SPTBN1: variants seen among roughly 807,000 people sequenced by gnomAD.
The protein encoded by SPTBN1 is spectrin beta chain, non-erythrocytic 1.
SPTBN1 carries 32 observed loss-of-function variants against 266.4 expected under a neutral mutation model. The ratio of observed to expected loss-of-function variants is 0.12; its 90% CI spans 0.09 to 0.16. SPTBN1 has a LOEUF of 0.16. SPTBN1 is among the 10% of genes least tolerant of loss of function. SPTBN1 has a pLI of 1.00. For synonymous variants in SPTBN1, 1,336 were observed against 1,162.2 expected (o/e 1.15, Z -3.04); for missense variants, 2,296 against 3,067.1 (o/e 0.75, Z 5.94).
rs189743314 is a variant in SPTBN1 at position 54,491,352 on chromosome 2, T to A, written c.-48+34834T>A. Among the ~76,000 whole-genome samples the A allele has an allele frequency of 2.1e-3, 324 of 152,292 alleles. 3 individuals are homozygous for A. The highest frequency in any genetic ancestry group is 7.4e-3 in the African/African-American group (309 of 41,566). ...CTCTTTCGACCATTCTACACTTAGG[T>A]AGAAAAAAATTTCATTACCAACTAG... On this transcript the variant is annotated intron_variant, in intron 1 of 35. Transcript: ENST00000356805.
intron 2 of SPTBN1, 29 bp from the exon 3 acceptor site, chr2:54,599,063 T>C (rs758156471): frequency 6.8e-6 from 11 of 1,611,462 alleles, no homozygotes; most frequent in Non-Finnish European, 7.6e-6. Flanking sequence ...CTGTGGTCAA[T>C]GGTAAAACAA....
chr2:54,648,457 C>G (rs1680058939), intron 24 of SPTBN1, among the ~76,000 whole-genome samples: 1 of 152,206 alleles, frequency 6.6e-6, no homozygotes. Flanking sequence ...AGGATGGGCA[C>G]TCTGCCCAGA....
At position 54,533,349 on chromosome 2, in the gene SPTBN1, AGTGTGTGTGTGTGTGTGT is replaced by A. The variant is rs56027497; in HGVS notation, c.148+6812_148+6829del. ...AGTGAAACCCAGGCTAAAGGGGACTAGTGTGTGTGTGTGTGTGTGTGTGTGTGTGTGTGTGTGTGTGTG... is the reference window on the plus strand; with the variant it reads ...AGTGAAACCCAGGCTAAAGGGGACTAGTGTGTGTGTGTGTGTGTGTGTGTG... On this transcript the variant is annotated intron_variant, in intron 2 of 35. Coordinates refer to ENST00000356805, the MANE Select transcript of SPTBN1 (RefSeq NM_003128.3). This position sits in a 1 kb window ranked among gnomAD's most constrained non-coding sequence, Gnocchi z 4.2. Among the ~76,000 whole-genome samples the A allele has an allele frequency of 0.023, 3,199 of 141,962 alleles. 66 individuals are homozygous for A. The highest frequency in any genetic ancestry group is 0.029 in the Non-Finnish European group (1,913 of 65,482). The allele number at this position is 141,962 out of a possible 152,430, so 93.1% of individuals were successfully genotyped here.
intron 4 of SPTBN1, among the ~76,000 whole-genome samples, chr2:54,613,791 C>T (rs1008862761): frequency 6.6e-5 from 10 of 152,244 alleles, no homozygotes; most frequent in African/African-American, 1.4e-4. Context: ...CCACTAATTA[C>T]TGCTCTTGTG....
chr2:54,534,428 T>C (rs1476241758), intron 2 of SPTBN1, among the ~76,000 whole-genome samples: 1 of 152,248 alleles, frequency 6.6e-6, no homozygotes, highest in African/African-American at 2.4e-5. Context: ...CTACCATTGT[T>C]TGTGAAATCT....
chr2:54,563,036 GT>G (rs1673422766), intron 2 of SPTBN1, among the ~76,000 whole-genome samples: 1 of 152,128 alleles, frequency 6.6e-6, no homozygotes, highest in African/African-American at 2.4e-5. Flanking sequence ...AGTTTTAGAG[GT>G]GATAAGATAG....
chr2:54,636,477 C>G (rs1679146601), intron 17 of SPTBN1, among the ~76,000 whole-genome samples: 1 of 152,216 alleles, frequency 6.6e-6, no homozygotes, highest in Non-Finnish European at 1.5e-5. Context: ...TCCAGGCAGA[C>G]AATGGCTATG....
At chr2:54,561,825 G>A (rs1673326168) in intron 2 of SPTBN1, among the ~76,000 whole-genome samples, 1 of 141,522 alleles carries the variant, frequency 7.1e-6, no homozygotes, top group Non-Finnish European at 1.5e-5. Flanking sequence ...GAGATTTATG[G>A]TTTGTAGAGA....
At chr2:54,654,875 C>T (rs1396562234) in intron 27 of SPTBN1, among the ~76,000 whole-genome samples, 195 bp from the exon 28 acceptor site, 1 of 152,240 alleles carries the variant, frequency 6.6e-6, no homozygotes, top group Non-Finnish European at 1.5e-5. Flanking sequence ...GGTTACCTGG[C>T]TGGTACTGAA....
chr2:54,579,338 A>C (rs766058982), intron 2 of SPTBN1, among the ~76,000 whole-genome samples: 5 of 152,176 alleles, frequency 3.3e-5, no homozygotes, highest in African/African-American at 4.8e-5. Context: ...GTTATCAACT[A>C]CCATTTTTTG....
chr2:54,467,907 T>G (rs1199089079), intron 1 of SPTBN1, among the ~76,000 whole-genome samples: 1 of 152,146 alleles, frequency 6.6e-6, no homozygotes, highest in Non-Finnish European at 1.5e-5. Flanking sequence ...ATCTTTTTAT[T>G]ACTGAAATAA....
intron 1 of SPTBN1, among the ~76,000 whole-genome samples, chr2:54,491,876 G>A (rs1033239086): frequency 2.6e-5 from 4 of 152,126 alleles, no homozygotes; most frequent in African/African-American, 9.7e-5. Flanking sequence ...TGGGATTACA[G>A]TCATGAGCCA....
At chr2:54,660,516 A>G in intron 32 of SPTBN1, 6 of 986,512 alleles carry the variant, frequency 6.1e-6, no homozygotes, top group African/African-American at 1.7e-5. Flanking sequence ...AGACTGGTGT[A>G]TGAGGAGGGA....
In SPTBN1 at chr2:54,645,047, C is replaced by G. The variant is rs575170755; in HGVS notation, c.4270-182C>G. On this transcript the variant is annotated intron_variant, in intron 20 of 35. Coordinates refer to ENST00000356805, the MANE Select transcript of SPTBN1 (RefSeq NM_003128.3). This position sits in a 1 kb window ranked among gnomAD's most constrained non-coding sequence, Gnocchi z 4.3. The stretch of plus-strand genomic sequence containing the variant: ...GGGCTTTAAGGGCAAATGAATTTAC[C>G]TCAGATTTACTTGAAAACAGTTCCA... The G allele has an allele frequency of 1.1e-5, 7 of 617,614 alleles. No homozygotes were observed. The Admixed American group carries it at 2.1e-4, about 18-fold the overall frequency. 38.3% of individuals were successfully genotyped at this position (617,614 alleles called of 1,614,324 possible).
intron 1 of SPTBN1, among the ~76,000 whole-genome samples, chr2:54,487,355 C>T (rs1326219184): frequency 6.6e-6 from 1 of 152,216 alleles, no homozygotes; most frequent in Admixed American, 6.5e-5. Flanking sequence ...GGACTAATTA[C>T]TGCGCACCTT....
chr2:54,558,801 G>GT lies in SPTBN1; in HGVS notation c.148+32236dup. 1 of 1,613,776 alleles carries GT rather than the reference G, an allele frequency of 6.2e-7. No homozygotes were observed. Among genetic ancestry groups the GT allele is most frequent in the African/African-American group, 1.3e-5 (1 of 75,028 alleles). ...ATAATGGAATTGCAGAGGACGTCTAGTATCTCCGGGCCGCTGTCGCCGGCG... is the reference window on the plus strand; with the variant it reads ...ATAATGGAATTGCAGAGGACGTCTAGTTATCTCCGGGCCGCTGTCGCCGGCG... On this transcript the variant is annotated intron_variant, in intron 2 of 35. Transcript: ENST00000356805. The surrounding 1 kb of genome is among the most constrained non-coding windows in gnomAD (Gnocchi z 4.6).
Position 54,541,629 on chromosome 2 carries a change from C to T in SPTBN1, c.148+15063C>T, listed in dbSNP as rs142265191. Among the ~76,000 whole-genome samples, 14 of 152,158 alleles carry T rather than the reference C, an allele frequency of 9.2e-5. No individual in the cohort carries two copies. In the East Asian group the frequency reaches 9.7e-4, roughly 10 times the overall value. On this transcript the variant is annotated intron_variant, in intron 2 of 35. Coordinates refer to ENST00000356805, the MANE Select transcript of SPTBN1 (RefSeq NM_003128.3). The stretch of plus-strand genomic sequence containing the variant: ...TGACATACGCAACACAATTATTGTC[C>T]GAACTGAATTTTATGATGGGGGATG...
intron 18 of SPTBN1, among the ~76,000 whole-genome samples, chr2:54,639,297 G>A (rs1679370475): frequency 2.0e-5 from 3 of 152,200 alleles, no homozygotes; most frequent in Non-Finnish European, 4.4e-5. Context: ...GGATGAAGAG[G>A]TGTTTGTAGC....
chr2:54,518,826 T>C (rs900558465), intron 1 of SPTBN1, among the ~76,000 whole-genome samples: 1 of 152,190 alleles, frequency 6.6e-6, no homozygotes, highest in African/African-American at 2.4e-5. Context: ...GGTGTGTGCA[T>C]ATGTGTAGTG....
Sources: allele counts gnomAD v4.1 joint callset (sites outside exome capture counted in the v4.1 genomes callset), GRCh38; gene constraint gnomAD v4.1.1; non-coding constraint Gnocchi (gnomAD v3.1); transcripts MANE v1.5; gene names NCBI Gene and HGNC (gene_info 2026-07-23, HGNC 2026-07-21).